RAP1A: variants seen among roughly 807,000 people sequenced by gnomAD.
The protein encoded by RAP1A is ras-related protein Rap-1A.
A neutral mutation model predicts 26.4 loss-of-function variants in RAP1A; 6 were observed. The observed-to-expected ratio is 0.23, with a 90% CI of 0.12 to 0.45. RAP1A has a LOEUF of 0.45. Among genes scored for constraint, RAP1A ranks in the 20% least tolerant of loss-of-function variants. RAP1A has a pLI of 0.99. For synonymous variants in RAP1A, 73 were observed against 79.4 expected, an observed-to-expected ratio of 0.92 and a Z score of 0.43; for missense variants, 121 against 217.2, an observed-to-expected ratio of 0.56 and a Z score of 2.78.
At chr1:111,619,779 A>G (rs1659111670), upstream of RAP1A, 1 of 396,732 alleles carries the variant, frequency 2.5e-6, no homozygotes, top group Non-Finnish European at 4.4e-6. Context: ...CGCGTTCTGG[A>G]GGAGGCGCCG....
intron 1 of RAP1A, among the ~76,000 whole-genome samples, chr1:111,686,155 A>G (rs1557891864): frequency 3.3e-5 from 5 of 152,174 alleles, no homozygotes; most frequent in Admixed American, 3.3e-4. Context: ...GGATAGCATT[A>G]GGAGAAATAC....
rs1662520935 is a variant in RAP1A at position 111,715,623 on chromosome 1, A to G, written c.*3222A>G. ...GGTGTGTTACTCTCTTCTCCCTACAACTCTGAACTAATCTGTGTTTGGCAC... is the reference window on the plus strand; with the variant it reads ...GGTGTGTTACTCTCTTCTCCCTACAGCTCTGAACTAATCTGTGTTTGGCAC... On this transcript the variant is annotated 3_prime_UTR_variant, in exon 8 of 8. Transcript: ENST00000369709. The G allele has an allele frequency of 1.3e-5, 2 of 152,058 alleles. No individual in the cohort carries two copies. 9.4% of individuals were successfully genotyped at this position (152,058 alleles called of 1,614,324 possible). A position where few individuals can be genotyped will look rare whatever the true frequency, so the allele number is the denominator to read the frequency against.
At chr1:111,681,649 G>C (rs1273229753) in intron 1 of RAP1A, among the ~76,000 whole-genome samples, 1 of 152,190 alleles carries the variant, frequency 6.6e-6, no homozygotes, top group Non-Finnish European at 1.5e-5. Context: ...CAAGATTAGA[G>C]AAAATAGAAT....
At chr1:111,563,904 C>G (rs745791299) in intron 1 of RAP1A, 2 of 1,613,886 alleles carry the variant, frequency 1.2e-6, no homozygotes, top group Non-Finnish European at 1.7e-6. Context: ...CAGGAGCTTT[C>G]CCACCTGGCC....
In RAP1A at chr1:111,709,213, A is replaced by G; in HGVS notation, c.533A>G (p.Lys178Arg). ...KTPVEKKKPK[K>R]KSCLLL ...CCAGTGGAAAAGAAGAAGCCTAAAAAGAAATCATGTCTGCTGCTCTAGGCC... is the reference window on the plus strand; with the variant it reads ...CCAGTGGAAAAGAAGAAGCCTAAAAGGAAATCATGTCTGCTGCTCTAGGCC... The change falls in exon 7 of 8, where the codon AAG (lysine) becomes AGG (arginine). Residue 178 changes from lysine (K) to arginine (R), a missense_variant. Coordinates refer to ENST00000369709, the MANE Select transcript of RAP1A (RefSeq NM_002884.4). 6.2e-7 allele frequency: 1 copy of G among 1,613,742 alleles called. No individual in the cohort carries two copies. Among genetic ancestry groups the G allele is most frequent in the Middle Eastern group, 1.7e-4 (1 of 6,060 alleles).
At chr1:111,586,913 T>G (rs1658375618) in intron 1 of RAP1A, among the ~76,000 whole-genome samples, 1 of 152,150 alleles carries the variant, frequency 6.6e-6, no homozygotes, top group Non-Finnish European at 1.5e-5. Flanking sequence ...TGGAATCTGA[T>G]TCACATTCAC....
chr1:111,626,692 T>G (rs763356832), intron 1 of RAP1A, among the ~76,000 whole-genome samples: 1 of 152,214 alleles, frequency 6.6e-6, no homozygotes, highest in Non-Finnish European at 1.5e-5. Flanking sequence ...AAGGCAACAA[T>G]AATATATTTA....
intron 1 of RAP1A, among the ~76,000 whole-genome samples, chr1:111,583,469 C>CAA (rs71099919): frequency 0.11 from 15,323 of 143,874 alleles, 2,555 homozygotes; most frequent in African/African-American, 0.36. Flanking sequence ...AGACCCCATT[C>CAA]AAAAAAAAAA....
At chr1:111,680,189 T>C (rs1005199956) in intron 1 of RAP1A, among the ~76,000 whole-genome samples, 1 of 152,128 alleles carries the variant, frequency 6.6e-6, no homozygotes, top group African/African-American at 2.4e-5. Context: ...TCATGGCAAG[T>C]GTTAACAGCT....
At chr1:111,553,819 A>C (rs1463514419) in intron 1 of RAP1A, among the ~76,000 whole-genome samples, 3 of 152,112 alleles carry the variant, frequency 2.0e-5, no homozygotes, top group African/African-American at 7.2e-5. Flanking sequence ...CCATCTCTTA[A>C]CACCTGTATC....
intron 1 of RAP1A, among the ~76,000 whole-genome samples, chr1:111,545,474 G>T (rs1657002232): frequency 6.6e-6 from 1 of 151,956 alleles, no homozygotes; most frequent in African/African-American, 2.4e-5. Context: ...TGGATTATTT[G>T]TCCTTTTATT....
chr1:111,663,070 T>C (rs1173270382), intron 1 of RAP1A, among the ~76,000 whole-genome samples: 1 of 151,764 alleles, frequency 6.6e-6, no homozygotes, highest in Non-Finnish European at 1.5e-5. Context: ...CGAGCCACCA[T>C]GCCCAGTTAA....
At chr1:111,585,122 A>G (rs1658338528) in intron 1 of RAP1A, among the ~76,000 whole-genome samples, 1 of 152,200 alleles carries the variant, frequency 6.6e-6, no homozygotes, top group South Asian at 2.1e-4. Flanking sequence ...GACAGGGTGA[A>G]TGTCACCTCT....
chr1:111,597,909 C>T (rs114277732), intron 1 of RAP1A, among the ~76,000 whole-genome samples: 66 of 152,218 alleles, frequency 4.3e-4, no homozygotes, highest in Non-Finnish European at 6.8e-4. Context: ...TAAGACTCCT[C>T]GTTGAGAACA....
At chr1:111,661,363 T>A (rs534700990) in intron 1 of RAP1A, among the ~76,000 whole-genome samples, 1 of 152,296 alleles carries the variant, frequency 6.6e-6, no homozygotes, top group East Asian at 1.9e-4. Flanking sequence ...TGAGAGGCTA[T>A]TATAGGGATC....
rs1662425100 is a variant in RAP1A at position 111,712,789 on chromosome 1, G to A, written c.*388G>A. The A allele has an allele frequency of 6.6e-6, 1 of 152,448 alleles. No individual in the cohort carries two copies. Among genetic ancestry groups the A allele is most frequent in the Non-Finnish European group, 1.5e-5 (1 of 67,934 alleles). The allele number at this position is 152,448 out of a possible 1,614,324, so 9.4% of individuals were successfully genotyped here. On this transcript the variant is annotated 3_prime_UTR_variant, in exon 8 of 8. Transcript: ENST00000369709. Reference sequence around the variant, plus strand: ...CCTCCCTATCAAGCACTAAAAAGTTGAACCATTATACTTTATATCTGTAAT... The same window carrying A: ...CCTCCCTATCAAGCACTAAAAAGTTAAACCATTATACTTTATATCTGTAAT...
chr1:111,634,696 G>A (rs1659674249), intron 1 of RAP1A, among the ~76,000 whole-genome samples: 1 of 151,864 alleles, frequency 6.6e-6, no homozygotes, highest in Non-Finnish European at 1.5e-5. Flanking sequence ...CCAGGCTGGA[G>A]TGCAGTGGTG....
intron 1 of RAP1A, among the ~76,000 whole-genome samples, chr1:111,661,656 G>A (rs1221639023): frequency 1.3e-5 from 2 of 151,988 alleles, no homozygotes; most frequent in African/African-American, 2.4e-5. Flanking sequence ...AAAATTAGCC[G>A]GGCGTGGTGG....
intron 6 of RAP1A, among the ~76,000 whole-genome samples, chr1:111,706,310 C>T (rs2101300002): frequency 6.6e-6 from 1 of 152,238 alleles, no homozygotes; most frequent in South Asian, 2.1e-4. Flanking sequence ...AATAGTTCCT[C>T]ACACAACTTT....
Sources: gnomAD v4.1 joint callset for allele counts (sites outside exome capture counted in the v4.1 genomes callset) on GRCh38, gnomAD v4.1.1 for gene constraint, MANE v1.5 for transcripts, NCBI Gene and HGNC (gene_info 2026-07-23, HGNC 2026-07-21) for gene names.